Variants in NRG3 observed in about 807,000 individuals in gnomAD.
NRG3 encodes the protein neuregulin 3, also known as pro-neuregulin-3, membrane-bound isoform.
A neutral mutation model predicts 66.9 loss-of-function variants in NRG3; 31 were observed. The observed-to-expected ratio is 0.46, with a 90% CI of 0.35 to 0.63. The LOEUF (loss-of-function observed/expected upper bound fraction) is 0.63. Ranked by LOEUF, NRG3 falls within the 20% of genes least tolerant of loss-of-function variation. The pLI, the probability that NRG3 is intolerant of heterozygous loss-of-function variation, is 0.00. For missense variants in NRG3, 910 were observed against 878.9 expected (o/e 1.04, Z -0.45); for synonymous variants, 393 against 359.4 (o/e 1.09, Z -1.06).
At chr10:81,970,937 C>T (rs1227406790) in intron 1 of NRG3, among the ~76,000 whole-genome samples, 7 of 152,098 alleles carry the variant, frequency 4.6e-5, no homozygotes, top group Non-Finnish European at 7.4e-5. Flanking sequence ...ATCAGGAGTT[C>T]GAGTCCAGCC....
chr10:81,895,662 A>T (rs1478475453), intron 1 of NRG3, among the ~76,000 whole-genome samples: 2 of 152,044 alleles, frequency 1.3e-5, no homozygotes, highest in Non-Finnish European at 2.9e-5. Flanking sequence ...CATGCGTGGG[A>T]GTGTGTGTTG....
Position 82,132,478 on chromosome 10 carries a change from T to TCA in NRG3, c.824-226261_824-226260insCA, listed in dbSNP as rs2068915446. Reference sequence around the variant, plus strand: ...ATATATGATATATATGATATATATATGATATATATATATGATATATATATA... The same window carrying TCA: ...ATATATGATATATATGATATATATATCAGATATATATATATGATATATATATA... On this transcript the variant is annotated intron_variant, in intron 1 of 8. Coordinates refer to ENST00000372141, the MANE Select transcript of NRG3 (RefSeq NM_001010848.4). 6.7e-5 allele frequency among the ~76,000 whole-genome samples: 6 copies of TCA among 89,270 alleles called. No individual in the cohort carries two copies. The South Asian group carries it at 1.4e-3, about 20-fold the overall frequency. 58.6% of individuals were successfully genotyped at this position (89,270 alleles called of 152,430 possible). A position where few individuals can be genotyped will look rare whatever the true frequency, so the allele number is the denominator to read the frequency against.
chr10:81,913,489 T>G (rs1845374564), intron 1 of NRG3, among the ~76,000 whole-genome samples: 1 of 152,046 alleles, frequency 6.6e-6, no homozygotes, highest in Non-Finnish European at 1.5e-5. Flanking sequence ...AGTGGTGTGT[T>G]CTCGGCTCAC....
intron 1 of NRG3, among the ~76,000 whole-genome samples, chr10:81,918,046 A>G (rs1845875703): frequency 6.6e-6 from 1 of 152,240 alleles, no homozygotes; most frequent in South Asian, 2.1e-4. Context: ...TGCCATGCTC[A>G]GAAAATACAA....
At chr10:81,941,978 T>G in intron 1 of NRG3, among the ~76,000 whole-genome samples, 1 of 152,284 alleles carries the variant, frequency 6.6e-6, no homozygotes, top group Middle Eastern at 3.4e-3. Context: ...AACAGAAGAC[T>G]ACATTTTAGA....
chr10:82,340,499 T>C (rs1283804478), intron 1 of NRG3, among the ~76,000 whole-genome samples: 1 of 152,130 alleles, frequency 6.6e-6, no homozygotes, highest in Non-Finnish European at 1.5e-5. Context: ...CTAGAATAAA[T>C]GATTCAAATA....
rs2132417726 is a variant in NRG3, at chr10:81,875,435, C to G, written c.95C>G (p.Ala32Gly). ...EEGTAAAAAAAAAGGGPDGGG... is the reference protein window; with the variant it reads ...EEGTAAAAAAGAAGGGPDGGG... ...GGCACCGCGGCGGCTGCGGCGGCGG[C>G]AGCGGCGGGCGGGGGCCCGGACGGC... The change falls in exon 1 of 9, where the codon GCA becomes GGA. Residue 32 changes from alanine (A) to glycine (G), a missense_variant. Physicochemically the swap from Ala to Gly is moderately conservative, Grantham distance 60 (BLOSUM62 0). Transcript: ENST00000372141. The surrounding 1 kb of genome is among the most constrained non-coding windows in gnomAD (Gnocchi z 5.3). 8.7e-7 allele frequency: 1 copy of G among 1,153,450 alleles called. No individual in the cohort carries two copies. The allele number at this position is 1,153,450 out of a possible 1,614,324, so 71.5% of individuals were successfully genotyped here.
At chr10:82,475,722 T>G (rs1384888382) in intron 2 of NRG3, among the ~76,000 whole-genome samples, 1 of 152,148 alleles carries the variant, frequency 6.6e-6, no homozygotes, top group Non-Finnish European at 1.5e-5. Context: ...AATGTAAATT[T>G]AAAATGCTAA....
At chr10:82,871,971 C>A (rs1841384556) in intron 4 of NRG3, among the ~76,000 whole-genome samples, 1 of 151,928 alleles carries the variant, frequency 6.6e-6, no homozygotes, top group East Asian at 1.9e-4. Context: ...TGAAAGGGGG[C>A]AACTTTGCCT....
chr10:82,483,071 G>C (rs757967497), intron 2 of NRG3, among the ~76,000 whole-genome samples: 81 of 152,230 alleles, frequency 5.3e-4, no homozygotes, highest in African/African-American at 1.8e-3. Context: ...TTTCTGTCCA[G>C]GAAAGGCAGG....
intron 4 of NRG3, among the ~76,000 whole-genome samples, chr10:82,931,631 T>C (rs1316685419): frequency 1.3e-5 from 2 of 152,212 alleles, no homozygotes; most frequent in Non-Finnish European, 2.9e-5. Flanking sequence ...GACTCTTCTA[T>C]TGGATTTTGA....
rs368220892 is a variant in NRG3 at position 82,938,039 on chromosome 10, G to T, written c.1055-13430G>T. The stretch of plus-strand genomic sequence containing the variant: ...TATTTTATAGCTATTCTGTATTGAA[G>T]TGATACTATTTTATATATGTTGGGT... On this transcript the variant is annotated intron_variant, in intron 4 of 8. Coordinates refer to ENST00000372141, the MANE Select transcript of NRG3 (RefSeq NM_001010848.4). Among the ~76,000 whole-genome samples, 10 of 152,278 alleles carry T rather than the reference G, an allele frequency of 6.6e-5. No homozygotes were observed. In the East Asian group the frequency reaches 1.9e-3, roughly 29 times the overall value.
At chr10:82,979,654 A>G (rs1446589471) in intron 8 of NRG3, among the ~76,000 whole-genome samples, 2 of 152,160 alleles carry the variant, frequency 1.3e-5, no homozygotes, top group African/African-American at 4.8e-5. Context: ...GGCTTTGGAC[A>G]CCATTGCTGC....
chr10:82,024,599 A>C (rs2132797537), intron 1 of NRG3, among the ~76,000 whole-genome samples: 1 of 152,154 alleles, frequency 6.6e-6, no homozygotes, highest in Admixed American at 6.6e-5. Context: ...CCGAGATAAT[A>C]AAGCTGAATT....
At chr10:82,087,033 C>G (rs748060692) in intron 1 of NRG3, among the ~76,000 whole-genome samples, 1 of 152,058 alleles carries the variant, frequency 6.6e-6, no homozygotes, top group Non-Finnish European at 1.5e-5. Flanking sequence ...GTGAACTTTA[C>G]AAGATAAATA....
intron 1 of NRG3, among the ~76,000 whole-genome samples, chr10:81,983,434 TA>T (rs2060408102): frequency 2.0e-5 from 3 of 152,226 alleles, no homozygotes; most frequent in African/African-American, 7.2e-5. Context: ...TACTCATATT[TA>T]GACATTTGTT....
intron 1 of NRG3, among the ~76,000 whole-genome samples, chr10:82,271,940 TG>T (rs1438342782): frequency 1.3e-5 from 2 of 152,104 alleles, no homozygotes; most frequent in East Asian, 3.9e-4. Context: ...GGATGTTTCA[TG>T]GGGCCAAGGT....
intron 4 of NRG3, among the ~76,000 whole-genome samples, chr10:82,938,559 C>T (rs1848297647): frequency 6.6e-6 from 1 of 152,234 alleles, no homozygotes; most frequent in African/African-American, 2.4e-5. Context: ...GTTTGTAGAT[C>T]TTCCAGGATC....
chr10:82,767,193 C>T (rs2059549912), intron 3 of NRG3, among the ~76,000 whole-genome samples: 1 of 151,846 alleles, frequency 6.6e-6, no homozygotes, highest in Non-Finnish European at 1.5e-5. Context: ...TCACAGTGAC[C>T]AGTTATTTCA....
Sources: gnomAD v4.1 joint callset for allele counts (sites outside exome capture counted in the v4.1 genomes callset) on GRCh38, gnomAD v4.1.1 for gene constraint, Gnocchi (gnomAD v3.1) non-coding constraint, MANE v1.5 for transcripts, NCBI Gene and HGNC (gene_info 2026-07-23, HGNC 2026-07-21) for gene names.